The following VPS13B variants were observed in gnomAD, a reference collection of about 807,000 sequenced individuals.
VPS13B encodes vacuolar protein sorting 13 homolog B.
VPS13B carries 285 observed loss-of-function variants against 426.4 expected under a neutral mutation model. The ratio of observed to expected loss-of-function variants is 0.67; its 90% CI spans 0.61 to 0.74. The LOEUF (loss-of-function observed/expected upper bound fraction) is 0.74. Among genes scored for constraint, VPS13B ranks in the 30% least tolerant of loss-of-function variants. The pLI is 0.00. For synonymous variants in VPS13B, 1,676 were observed against 1,676.4 expected, an observed-to-expected ratio of 1.00 and a Z score of 0.01; for missense variants, 4,537 against 4,782.6, an observed-to-expected ratio of 0.95 and a Z score of 1.51.
At chr8:99,058,887 C>A (rs1162279061) in intron 3 of VPS13B, among the ~76,000 whole-genome samples, 1 of 152,152 alleles carries the variant, frequency 6.6e-6, no homozygotes, top group East Asian at 1.9e-4. Flanking sequence ...TCTTTTCAGA[C>A]TTGTCTGTCT....
chr8:99,135,078 T>C lies in VPS13B; in HGVS notation c.1366T>C (p.Cys456Arg). The C allele has an allele frequency of 6.2e-7, 1 of 1,613,666 alleles. No homozygotes were observed. Among genetic ancestry groups the C allele is most frequent in the South Asian group, 1.1e-5 (1 of 91,066 alleles). Residue 456 changes from cysteine to arginine, a missense_variant, in exon 10 of 62, where the codon TGC becomes CGC. Physicochemically the swap from Cys to Arg is radical, Grantham distance 180 (BLOSUM62 -3). Around this residue, in one of 2 missense-constraint regions of VPS13B, gnomAD observed 4,311 missense variants for 4,474.3 expected, o/e 0.96. Transcript: ENST00000357162. ...QIGFVGCRAM[C>R]LKGIMGVKDF... ...TGGGTTTGTTGGTTGCAGAGCCATG[T>C]GCCTTAAAGGAATTATGGGTGTTAA...
chr8:99,805,818 C>T (rs372497147), intron 43 of VPS13B, among the ~76,000 whole-genome samples: 9 of 152,162 alleles, frequency 5.9e-5, no homozygotes, highest in Middle Eastern at 3.4e-3. Context: ...TTTGACTTTT[C>T]CCCCCACCGT....
At chr8:99,077,014 T>A (rs183523755) in intron 3 of VPS13B, among the ~76,000 whole-genome samples, 7 of 152,264 alleles carry the variant, frequency 4.6e-5, no homozygotes, top group Admixed American at 4.6e-4. Flanking sequence ...CTTTTGTGTA[T>A]CTGCTCTACC....
intron 17 of VPS13B, among the ~76,000 whole-genome samples, chr8:99,264,343 C>T (rs1799644250): frequency 6.6e-6 from 1 of 151,914 alleles, no homozygotes; most frequent in African/African-American, 2.4e-5. Context: ...GTTTCTTAGA[C>T]CACACATGTT....
intron 21 of VPS13B, among the ~76,000 whole-genome samples, chr8:99,399,090 A>C (rs1431315720): frequency 6.6e-6 from 1 of 152,184 alleles, no homozygotes; most frequent in East Asian, 1.9e-4. Context: ...TGGTTTTAAA[A>C]AATTTTACTA....
At chr8:99,109,292 A>T (rs1192793671) in intron 5 of VPS13B, among the ~76,000 whole-genome samples, 1 of 152,076 alleles carries the variant, frequency 6.6e-6, no homozygotes, top group African/African-American at 2.4e-5. Flanking sequence ...TTAAGAAAAA[A>T]TACCTTTAAA....
intron 58 of VPS13B, among the ~76,000 whole-genome samples, chr8:99,863,482 A>AAG (rs140996868): frequency 9.9e-5 from 15 of 151,434 alleles, no homozygotes; most frequent in Non-Finnish European, 1.3e-4. Flanking sequence ...CTTCTAGGCA[A>AAG]AGAGAGAGAG....
At chr8:99,370,832 A>G (rs1329464210) in intron 19 of VPS13B, among the ~76,000 whole-genome samples, 2 of 151,794 alleles carry the variant, frequency 1.3e-5, no homozygotes, top group African/African-American at 4.8e-5. Context: ...CTGGTCTCGA[A>G]CTCCTAGACT....
intron 12 of VPS13B, among the ~76,000 whole-genome samples, chr8:99,140,995 A>T (rs969614434): frequency 1.3e-5 from 2 of 152,200 alleles, no homozygotes; most frequent in African/African-American, 4.8e-5. Flanking sequence ...GGGTTATTAC[A>T]AATGTTATGG....
intron 2 of VPS13B, among the ~76,000 whole-genome samples, chr8:99,021,156 C>T (rs533314303): frequency 2.6e-5 from 4 of 152,248 alleles, no homozygotes; most frequent in East Asian, 1.9e-4. Flanking sequence ...TGGCTGCTTT[C>T]GCCCTAAAAC....
In VPS13B at chr8:99,875,701, T is replaced by TTTAG; in HGVS notation, c.*38_*41dup. On this transcript the variant is annotated 3_prime_UTR_variant, in exon 62 of 62. Transcript: ENST00000357162. ...GAGGTGTTTATTCCTGCTTGTGTGA[T>TTTAG]TTAGTTTTTGGGTTTCTTTGAGACA... 6.2e-7 allele frequency: 1 copy of TTTAG among 1,613,840 alleles called. No homozygotes were observed. Among genetic ancestry groups the TTTAG allele is most frequent in the South Asian group, 1.1e-5 (1 of 91,046 alleles).
At chr8:99,081,310 T>A (rs559289988) in intron 3 of VPS13B, among the ~76,000 whole-genome samples, 2 of 152,336 alleles carry the variant, frequency 1.3e-5, no homozygotes, top group South Asian at 4.1e-4. Flanking sequence ...TTTCTCTTTT[T>A]TATGTTATTG....
intron 25 of VPS13B, among the ~76,000 whole-genome samples, chr8:99,495,217 A>C (rs971664557): frequency 1.7e-4 from 26 of 152,206 alleles, no homozygotes; most frequent in African/African-American, 6.3e-4. Context: ...ATACTAACTC[A>C]CATTATGATT....
intron 39 of VPS13B, among the ~76,000 whole-genome samples, chr8:99,727,268 G>C (rs1472176336): frequency 6.6e-6 from 1 of 152,040 alleles, no homozygotes. Context: ...GTGGAAAGAA[G>C]GAAAATAGAA....
intron 51 of VPS13B, among the ~76,000 whole-genome samples, chr8:99,825,336 G>A (rs1366909978): frequency 6.6e-6 from 1 of 151,864 alleles, no homozygotes; most frequent in African/African-American, 2.4e-5. Context: ...GTGATGATGA[G>A]TTTTTTTTCA....
chr8:99,634,250 G>A (rs1828982112), intron 33 of VPS13B, among the ~76,000 whole-genome samples: 2 of 151,944 alleles, frequency 1.3e-5, no homozygotes, highest in South Asian at 4.2e-4. Flanking sequence ...ATTGAAATAG[G>A]CACTGATAAT....
At chr8:99,360,889 T>G (rs1187834363) in intron 19 of VPS13B, among the ~76,000 whole-genome samples, 1 of 152,178 alleles carries the variant, frequency 6.6e-6, no homozygotes, top group Admixed American at 6.5e-5. Context: ...TTTCTATAAA[T>G]AAAATATTTA....
chr8:99,280,279 A>G (rs936729824), intron 19 of VPS13B, among the ~76,000 whole-genome samples: 1 of 151,708 alleles, frequency 6.6e-6, no homozygotes, highest in African/African-American at 2.4e-5. Flanking sequence ...CAGCTCAACT[A>G]CTGTTTCTCC....
chr8:99,466,468 A>G (rs190346363), intron 23 of VPS13B, among the ~76,000 whole-genome samples: 26 of 152,262 alleles, frequency 1.7e-4, no homozygotes, highest in African/African-American at 5.8e-4. Context: ...ACCATAATAA[A>G]TGTTTAAAAA....
Sources: allele counts gnomAD v4.1 joint callset (sites outside exome capture counted in the v4.1 genomes callset), GRCh38; gene constraint gnomAD v4.1.1; regional missense constraint gnomAD v4.1.1; transcripts MANE v1.5; gene names NCBI Gene and HGNC (gene_info 2026-07-23, HGNC 2026-07-21).